The following ITK variants were observed in gnomAD, a reference collection of about 807,000 sequenced individuals.
ITK encodes the protein IL2 inducible T cell kinase.
ITK carries 45 observed loss-of-function variants against 87.6 expected under a neutral mutation model. The observed-to-expected ratio is 0.51, with a 90% CI of 0.40 to 0.66. ITK has a LOEUF of 0.66. Among genes scored for constraint, ITK ranks in the 30% least tolerant of loss-of-function variants. ITK has a pLI of 0.00. For missense variants in ITK, 605 were observed against 766.3 expected (o/e 0.79, Z 2.48); for synonymous variants, 303 against 273.6 (o/e 1.11, Z -1.06).
At chr5:157,183,113 A>G (rs1345511039) in intron 1 of ITK, among the ~76,000 whole-genome samples, 1 of 152,058 alleles carries the variant, frequency 6.6e-6, no homozygotes, top group Non-Finnish European at 1.5e-5. Flanking sequence ...ACATTTTAAA[A>G]GTATTTCTTT....
chr5:157,232,343 G>A lies in ITK; in HGVS notation c.717G>A (p.Trp239Ter), dbSNP rs776317714. ...KSPNNLETYE[W>*]YNKSISRDKA... ...TATGACTTTTCCTTGCTTTCAGGTG[G>A]TACAATAAGAGTATCAGCCGAGACA... Residue 239 changes from tryptophan (W) to a stop codon, truncating the protein, a stop_gained, in exon 8 of 17, where the codon TGG becomes TGA. Coordinates refer to ENST00000422843, the MANE Select transcript of ITK (RefSeq NM_005546.4). LOFTEE classifies it high-confidence loss of function. 1 of 1,608,228 alleles carries A rather than the reference G, an allele frequency of 6.2e-7. No homozygotes were observed. The highest frequency in any genetic ancestry group is 8.5e-7 in the Non-Finnish European group (1 of 1,175,138).
rs370132328 is a variant in ITK, at chr5:157,211,251, C to T, written c.244-36C>T. ...GCTGTCAGTCAACTATCTCCATGCA[C>T]GCTGCTCACCTTGAACTCTGTGTGT... is the stretch of plus-strand genomic sequence containing the variant. On this transcript the variant is annotated intron_variant, in intron 2 of 16. Coordinates refer to ENST00000422843, the MANE Select transcript of ITK (RefSeq NM_005546.4). 10 of 1,568,056 alleles carry T rather than the reference C, an allele frequency of 6.4e-6. No individual in the cohort carries two copies. In the African/African-American group the frequency reaches 8.1e-5, roughly 13 times the overall value.
intron 5 of ITK, among the ~76,000 whole-genome samples, chr5:157,219,121 T>A (rs1278724359): frequency 1.3e-5 from 2 of 150,686 alleles, no homozygotes; most frequent in African/African-American, 2.4e-5. Flanking sequence ...TTCTTTTTTT[T>A]TTTTTTTTGA....
chr5:157,206,449 T>G (rs1754081437), intron 1 of ITK, among the ~76,000 whole-genome samples: 1 of 152,228 alleles, frequency 6.6e-6, no homozygotes, highest in Non-Finnish European at 1.5e-5. Flanking sequence ...TGGAATGGTT[T>G]CAGTAGGAAT....
At chr5:157,234,162 C>T (rs1754729639) in intron 8 of ITK, among the ~76,000 whole-genome samples, 2 of 150,720 alleles carry the variant, frequency 1.3e-5, no homozygotes, top group Non-Finnish European at 3.0e-5. Context: ...TGTATTTTTA[C>T]TAGAGACGGG....
intron 9 of ITK, 87 bp from the exon 10 acceptor site, chr5:157,239,975 G>A: frequency 7.6e-7 from 1 of 1,318,594 alleles, no homozygotes. Context: ...ATAAGACAAA[G>A]ATAATAAGAA....
chr5:157,193,883 T>TTA (rs1561647810), intron 1 of ITK, among the ~76,000 whole-genome samples: 2 of 152,030 alleles, frequency 1.3e-5, no homozygotes, highest in Non-Finnish European at 1.5e-5. Context: ...CAATTTTTTT[T>TTA]AAAAAACCAC....
rs202031329 is a variant in ITK, at chr5:157,248,395, C to T, written c.1634-455C>T. On this transcript the variant is annotated intron_variant, in intron 15 of 16. Coordinates refer to ENST00000422843, the MANE Select transcript of ITK (RefSeq NM_005546.4). ...AAGAAGTTCAACTCTTAATTTTTGA[C>T]GTCTTTTTTAAAAAAATCAGAAAAT... Among the ~76,000 whole-genome samples the T allele has an allele frequency of 2.2e-4, 34 of 152,220 alleles. No homozygotes were observed. In the East Asian group the frequency reaches 5.2e-3, roughly 23 times the overall value.
intron 7 of ITK, 57 bp downstream of exon 7, chr5:157,228,418 A>G: frequency 1.9e-6 from 2 of 1,026,326 alleles, no homozygotes; most frequent in East Asian, 4.8e-5. Flanking sequence ...TCCTTAAGTT[A>G]GGAATAAATT....
intron 1 of ITK, among the ~76,000 whole-genome samples, chr5:157,187,084 C>G (rs1198900386): frequency 6.6e-6 from 1 of 152,232 alleles, no homozygotes; most frequent in Non-Finnish European, 1.5e-5. Context: ...ACGTTAAAGC[C>G]TCCGTTTTAA....
intron 1 of ITK, among the ~76,000 whole-genome samples, chr5:157,201,685 T>C (rs1215455273): frequency 1.4e-5 from 2 of 146,828 alleles, no homozygotes; most frequent in Non-Finnish European, 3.0e-5. Flanking sequence ...ATTCTCCAGA[T>C]TGAGAAAAAA....
At chr5:157,202,593 T>C (rs1753999394) in intron 1 of ITK, among the ~76,000 whole-genome samples, 1 of 152,228 alleles carries the variant, frequency 6.6e-6, no homozygotes, top group Admixed American at 6.5e-5. Flanking sequence ...AGTGCTGTGA[T>C]GAACATATGT....
chr5:157,188,264 G>A (rs1036306669), intron 1 of ITK, among the ~76,000 whole-genome samples: 10 of 152,098 alleles, frequency 6.6e-5, no homozygotes, highest in African/African-American at 2.4e-4. Context: ...CACCTAGAAT[G>A]AACCTTAAAA....
intron 1 of ITK, among the ~76,000 whole-genome samples, chr5:157,194,853 A>G (rs1367614757): frequency 6.6e-6 from 1 of 152,232 alleles, no homozygotes; most frequent in African/African-American, 2.4e-5. Flanking sequence ...TGAGGGAACT[A>G]GGGTATGGTA....
intron 1 of ITK, among the ~76,000 whole-genome samples, chr5:157,191,874 C>T (rs1028192104): frequency 2.0e-5 from 3 of 152,086 alleles, no homozygotes; most frequent in Admixed American, 6.6e-5. Flanking sequence ...TTAAAATCAG[C>T]TTCTTAGGAT....
chr5:157,194,733 A>G (rs1383549992), intron 1 of ITK, among the ~76,000 whole-genome samples: 2 of 152,236 alleles, frequency 1.3e-5, no homozygotes, highest in Non-Finnish European at 2.9e-5. Context: ...TGTTAGAAAT[A>G]AGTGTTTTAA....
Position 157,217,886 on chromosome 5 carries a change from T to C in ITK, c.474T>C (p.Pro158=). 3 of 1,614,088 alleles carry C rather than the reference T, an allele frequency of 1.9e-6. No homozygotes were observed. The highest frequency in any genetic ancestry group is 2.5e-6 in the Non-Finnish European group (3 of 1,179,948). Residue 158 remains proline (P), a synonymous_variant, in exon 5 of 17, where the codon CCT becomes CCC. Transcript: ENST00000422843. ...PTKNASKKPL[P]PTPEDNRRPL... The stretch of plus-strand genomic sequence containing the variant: ...TTTCAGCTTCAAAGAAGCCTCTTCC[T>C]CCTACTCCTGAAGACAACAGGGTGA...
intron 7 of ITK, among the ~76,000 whole-genome samples, chr5:157,228,652 T>C (rs1205580854): frequency 6.6e-6 from 1 of 152,174 alleles, no homozygotes; most frequent in African/African-American, 2.4e-5. Context: ...AATTTTTTTT[T>C]TTGAGACAGG....
At position 157,182,124 on chromosome 5, in the gene ITK, AT is replaced by A. The variant is rs139746440; in HGVS notation, c.138+1012del. Among the ~76,000 whole-genome samples, 925 of 152,292 alleles carry A rather than the reference AT, an allele frequency of 6.1e-3. 14 individuals are homozygous for A. The highest frequency in any genetic ancestry group is 0.021 in the African/African-American group (891 of 41,566). On this transcript the variant is annotated intron_variant, in intron 1 of 16. Coordinates refer to ENST00000422843, the MANE Select transcript of ITK (RefSeq NM_005546.4). ...GCTGCAATTTTTCAAAGCATGTTTGATTTCTTACTGTATGGTTATATTATTT... is the reference window on the plus strand; with the variant it reads ...GCTGCAATTTTTCAAAGCATGTTTGATTCTTACTGTATGGTTATATTATTT...
Sources: gnomAD v4.1 joint callset for allele counts (sites outside exome capture counted in the v4.1 genomes callset) on GRCh38, gnomAD v4.1.1 for gene constraint, MANE v1.5 for transcripts, NCBI Gene and HGNC (gene_info 2026-07-23, HGNC 2026-07-21) for gene names.